The following ST6GALNAC3 variants were observed in gnomAD, a reference collection of about 807,000 sequenced individuals.
ST6GALNAC3 encodes alpha-N-acetylgalactosaminide alpha-2,6-sialyltransferase 3.
ST6GALNAC3 carries 25 observed loss-of-function variants against 32.7 expected under a neutral mutation model. That is an observed-to-expected ratio of 0.76 (90% CI 0.56 to 1.07). The LOEUF is 1.07. ST6GALNAC3 is among the 50% of genes least tolerant of loss of function. ST6GALNAC3 has a pLI of 0.00. For synonymous variants in ST6GALNAC3, 129 were observed against 133.1 expected (o/e 0.97, Z 0.21); for missense variants, 355 against 382.4 (o/e 0.93, Z 0.60).
chr1:76,454,173 T>C (rs1262912768), intron 3 of ST6GALNAC3, among the ~76,000 whole-genome samples: 1 of 152,176 alleles, frequency 6.6e-6, no homozygotes, highest in African/African-American at 2.4e-5. Context: ...GAAGAGTCCT[T>C]ATGTGTCAGG....
At chr1:76,151,683 G>T (rs966755310) in intron 1 of ST6GALNAC3, among the ~76,000 whole-genome samples, 1 of 152,192 alleles carries the variant, frequency 6.6e-6, no homozygotes, top group Admixed American at 6.5e-5. Flanking sequence ...GGTTCTGCTG[G>T]CCAGAGAACC....
At chr1:76,090,334 C>T (rs1396970158) in intron 1 of ST6GALNAC3, among the ~76,000 whole-genome samples, 1 of 152,140 alleles carries the variant, frequency 6.6e-6, no homozygotes, top group African/African-American at 2.4e-5. Flanking sequence ...CAGGTCAGAC[C>T]TGGTGGAATT....
intron 1 of ST6GALNAC3, among the ~76,000 whole-genome samples, chr1:76,165,986 C>A (rs1391762007): frequency 1.3e-5 from 2 of 152,120 alleles, no homozygotes; most frequent in Non-Finnish European, 2.9e-5. Flanking sequence ...TTGAGAGTTT[C>A]TTTTGCTGTG....
chr1:76,466,084 A>C (rs1658608380), intron 3 of ST6GALNAC3, among the ~76,000 whole-genome samples: 1 of 152,118 alleles, frequency 6.6e-6, no homozygotes, highest in Non-Finnish European at 1.5e-5. Context: ...TTGTGTCATA[A>C]CAAACATTTC....
intron 3 of ST6GALNAC3, among the ~76,000 whole-genome samples, chr1:76,626,854 A>T (rs950792484): frequency 6.6e-5 from 10 of 151,924 alleles, no homozygotes; most frequent in Non-Finnish European, 1.3e-4. Context: ...AGCTTGTTCA[A>T]TGGAAATACA....
intron 3 of ST6GALNAC3, among the ~76,000 whole-genome samples, chr1:76,556,098 G>A (rs185475254): frequency 9.7e-4 from 147 of 152,030 alleles, no homozygotes; most frequent in South Asian, 2.5e-3. Flanking sequence ...TGCCTATTCC[G>A]GATACTCCAT....
intron 1 of ST6GALNAC3, among the ~76,000 whole-genome samples, chr1:76,278,248 T>C (rs1439245957): frequency 9.3e-6 from 1 of 107,568 alleles, no homozygotes; most frequent in Non-Finnish European, 1.6e-5. Context: ...TGAGATGGAG[T>C]CTCGCTCTGT....
intron 3 of ST6GALNAC3, among the ~76,000 whole-genome samples, chr1:76,570,613 C>G (rs565879556): frequency 2.6e-5 from 4 of 152,216 alleles, no homozygotes; most frequent in African/African-American, 9.6e-5. Context: ...TATACTAACA[C>G]ATGAATAAAC....
chr1:76,399,975 T>G (rs958894196), intron 2 of ST6GALNAC3, among the ~76,000 whole-genome samples: 1 of 152,196 alleles, frequency 6.6e-6, no homozygotes, highest in African/African-American at 2.4e-5. Flanking sequence ...TACCATGATA[T>G]AATCTGTAGA....
chr1:76,550,317 C>T (rs761811987), intron 3 of ST6GALNAC3, among the ~76,000 whole-genome samples: 5 of 152,102 alleles, frequency 3.3e-5, no homozygotes, highest in Non-Finnish European at 7.4e-5. Context: ...ACAAGTAGTC[C>T]AGCTGGAATC....
chr1:76,352,601 A>T (rs1401178077), intron 2 of ST6GALNAC3, among the ~76,000 whole-genome samples: 1 of 147,522 alleles, frequency 6.8e-6, no homozygotes, highest in African/African-American at 2.5e-5. Flanking sequence ...TTCCTGAATG[A>T]CCTAATCTAA....
intron 2 of ST6GALNAC3, among the ~76,000 whole-genome samples, chr1:76,314,893 G>C (rs1008961922): frequency 3.3e-5 from 5 of 152,012 alleles, no homozygotes; most frequent in Non-Finnish European, 7.4e-5. Context: ...GATACTAGAG[G>C]GTAGAGTCAT....
At chr1:76,371,406 A>G (rs898845862) in intron 2 of ST6GALNAC3, among the ~76,000 whole-genome samples, 5 of 152,202 alleles carry the variant, frequency 3.3e-5, no homozygotes, top group Non-Finnish European at 5.9e-5. Context: ...AAGGGGAAGT[A>G]TTTGAAAACC....
At chr1:76,499,296 C>T (rs1200616625) in intron 3 of ST6GALNAC3, among the ~76,000 whole-genome samples, 2 of 152,136 alleles carry the variant, frequency 1.3e-5, no homozygotes, top group Non-Finnish European at 2.9e-5. Context: ...TTATTGTAAC[C>T]TATTAGTAAT....
At chr1:76,163,429 A>C (rs765676565) in intron 1 of ST6GALNAC3, among the ~76,000 whole-genome samples, 2 of 152,194 alleles carry the variant, frequency 1.3e-5, no homozygotes, top group South Asian at 4.1e-4. Context: ...GGGAGGGTGT[A>C]CACTTGGGAC....
chr1:76,324,219 A>G (rs1215131739), intron 2 of ST6GALNAC3, among the ~76,000 whole-genome samples: 1 of 152,220 alleles, frequency 6.6e-6, no homozygotes, highest in Non-Finnish European at 1.5e-5. Context: ...TATCATTTAA[A>G]GAATAGGATT....
intron 3 of ST6GALNAC3, among the ~76,000 whole-genome samples, chr1:76,462,805 G>A (rs529893075): frequency 6.6e-6 from 1 of 152,258 alleles, no homozygotes; most frequent in South Asian, 2.1e-4. Context: ...GTTTTAAGAA[G>A]GCCAAATGCT....
intron 1 of ST6GALNAC3, among the ~76,000 whole-genome samples, chr1:76,277,130 C>A (rs1659174604): frequency 2.0e-5 from 3 of 152,026 alleles, no homozygotes; most frequent in Admixed American, 2.0e-4. Flanking sequence ...GAGATAAATT[C>A]TTTTAATAAA....
intron 1 of ST6GALNAC3, among the ~76,000 whole-genome samples, chr1:76,200,066 G>A (rs1654433829): frequency 6.6e-6 from 1 of 152,144 alleles, no homozygotes; most frequent in African/African-American, 2.4e-5. Flanking sequence ...CTCTTTCCTG[G>A]TAATTTCACA....
Sources: gnomAD v4.1 joint callset for allele counts (sites outside exome capture counted in the v4.1 genomes callset) on GRCh38, gnomAD v4.1.1 for gene constraint, MANE v1.5 for transcripts, NCBI Gene and HGNC (gene_info 2026-07-23, HGNC 2026-07-21) for gene names.